KDM5B: variants seen among roughly 807,000 people sequenced by gnomAD.
KDM5B encodes the protein lysine-specific demethylase 5B.
A neutral mutation model predicts 193.4 loss-of-function variants in KDM5B; 144 were observed. The ratio of observed to expected loss-of-function variants is 0.74; its 90% CI spans 0.65 to 0.86. The LOEUF is 0.86. Among genes scored for constraint, KDM5B ranks in the 40% least tolerant of loss-of-function variants. The probability of loss-of-function intolerance (pLI) is 0.00; values close to 1 mark genes in which losing one functional copy is unlikely to be tolerated. For synonymous variants in KDM5B, 668 were observed against 682.6 expected (o/e 0.98, Z 0.33); for missense variants, 1,833 against 1,886.9 (o/e 0.97, Z 0.53).
At chr1:202,802,698 A>AT (rs35136121) in intron 1 of KDM5B, among the ~76,000 whole-genome samples, 1 of 151,952 alleles carries the variant, frequency 6.6e-6, no homozygotes, top group Non-Finnish European at 1.5e-5. Flanking sequence ...CCAGCCCTGT[A>AT]TTTTTTTACC....
chr1:202,779,759 T>G (rs948196486), intron 1 of KDM5B, among the ~76,000 whole-genome samples: 6 of 150,664 alleles, frequency 4.0e-5, no homozygotes, highest in South Asian at 2.1e-4. Context: ...GCCAAGATCA[T>G]GCCTTTGCAC....
At chr1:202,791,073 G>A (rs1004708714) in intron 1 of KDM5B, among the ~76,000 whole-genome samples, 1 of 152,144 alleles carries the variant, frequency 6.6e-6, no homozygotes, top group Non-Finnish European at 1.5e-5. Flanking sequence ...GTAGATAAAA[G>A]TATGTCAAAA....
chr1:202,767,441 GA>G, intron 4 of KDM5B: 1 of 1,284,922 alleles, frequency 7.8e-7, no homozygotes, highest in Non-Finnish European at 1.1e-6. Flanking sequence ...GAAGCTCTGC[GA>G]AAGGTGCAGA....
At chr1:202,759,614 A>G (rs913275298) in intron 8 of KDM5B, among the ~76,000 whole-genome samples, 9 of 152,116 alleles carry the variant, frequency 5.9e-5, no homozygotes, top group African/African-American at 2.2e-4. Flanking sequence ...TTTACCAATG[A>G]CAGCATGCAC....
rs1655007860 is a variant in KDM5B, at chr1:202,734,205, C to G, written c.3424-319G>C. ...ATCTGTCACAGTTAAAAAACCATTT[C>G]CAATCACCACATCTATCCCCTTTCA... On this transcript the variant is annotated intron_variant, in intron 22 of 26. Transcript: ENST00000367265. Among the ~76,000 whole-genome samples the G allele has an allele frequency of 2.6e-5, 4 of 151,498 alleles. No individual in the cohort carries two copies. In the South Asian group the frequency reaches 8.3e-4, roughly 32 times the overall value.
At chr1:202,780,788 TAAAA>T (rs11412721) in intron 1 of KDM5B, among the ~76,000 whole-genome samples, 1 of 129,264 alleles carries the variant, frequency 7.7e-6, no homozygotes, top group Non-Finnish European at 1.6e-5. Context: ...TTGCCATTAC[TAAAA>T]AAAAAAAAAA....
intron 16 of KDM5B, 46 bp downstream of exon 16, chr1:202,745,812 T>C (rs770928637): frequency 9.9e-6 from 16 of 1,608,190 alleles, no homozygotes; most frequent in Admixed American, 1.7e-5. Context: ...TACATCACAA[T>C]AAGCCCCAAT....
In KDM5B at chr1:202,724,534, A is replaced by G. The variant is rs956374074; in HGVS notation, c.*4502T>C. The stretch of plus-strand genomic sequence containing the variant: ...TTCTTTATGCATTTTAAAGAAGCTC[A>G]ATCAAGCTCACATCATAGATAATGC... On this transcript the variant is annotated 3_prime_UTR_variant, in exon 27 of 27. Coordinates refer to ENST00000367265, the MANE Select transcript of KDM5B (RefSeq NM_006618.5). The G allele has an allele frequency of 1.3e-5, 2 of 152,222 alleles. No homozygotes were observed. Among genetic ancestry groups the G allele is most frequent in the Middle Eastern group, 3.2e-3 (1 of 316 alleles). The allele number at this position is 152,222 out of a possible 1,614,324, so 9.4% of individuals were successfully genotyped here.
chr1:202,762,176 CCTAA>C (rs1158470037), intron 7 of KDM5B, among the ~76,000 whole-genome samples: 2 of 152,222 alleles, frequency 1.3e-5, no homozygotes, highest in African/African-American at 4.8e-5. Flanking sequence ...CTTCCCTATT[CCTAA>C]CTGCTTTCCT....
At chr1:202,737,575 A>C (rs1043266096) in intron 20 of KDM5B, among the ~76,000 whole-genome samples, 24 of 152,370 alleles carry the variant, frequency 1.6e-4, no homozygotes, top group African/African-American at 5.0e-4. Flanking sequence ...TAGAATATAC[A>C]GTATTACCTG....
chr1:202,797,400 A>G (rs1236136402), intron 1 of KDM5B, among the ~76,000 whole-genome samples: 1 of 152,192 alleles, frequency 6.6e-6, no homozygotes, highest in Non-Finnish European at 1.5e-5. Flanking sequence ...GCCTGCCCCA[A>G]GGAGTCAAGA....
chr1:202,729,117 A>G lies in KDM5B; in HGVS notation c.4554T>C (p.Val1518=), dbSNP rs2102205839. ...SCNQWFHQVC[V]GVSPEMAEKE... is the part of the protein sequence containing the mutation. ...TCTCTGCCATCTCTGGGGAGACACC[A>G]ACACAGACCTGATGAAACCACTGAT... Residue 1518 remains valine, a synonymous_variant, in exon 27 of 27, where the codon GTT becomes GTC. Transcript: ENST00000367265. The G allele has an allele frequency of 1.9e-6, 3 of 1,614,142 alleles. No homozygotes were observed. The highest frequency in any genetic ancestry group is 2.5e-6 in the Non-Finnish European group (3 of 1,179,996).
intron 7 of KDM5B, among the ~76,000 whole-genome samples, chr1:202,762,371 T>C (rs943907699): frequency 6.6e-6 from 1 of 152,210 alleles, no homozygotes; most frequent in African/African-American, 2.4e-5. Flanking sequence ...CATGTAGAAG[T>C]GAGCTAGTGA....
intron 1 of KDM5B, among the ~76,000 whole-genome samples, chr1:202,789,816 T>C (rs68027948): frequency 0.19 from 28,112 of 151,698 alleles, 2,975 homozygotes; most frequent in Middle Eastern, 0.28. Context: ...CTCTACAAAA[T>C]GTTAAAACAT....
intron 7 of KDM5B, 59 bp downstream of exon 7, chr1:202,762,640 A>G: frequency 3.0e-6 from 3 of 990,730 alleles, no homozygotes. Flanking sequence ...AGGGGATTAA[A>G]GAAAGGAAGG....
At chr1:202,775,903 T>TATATATAA (rs1377753407) in intron 2 of KDM5B, among the ~76,000 whole-genome samples, 42 of 104,966 alleles carry the variant, frequency 4.0e-4, no homozygotes, top group African/African-American at 1.5e-3. Context: ...TATATATATA[T>TATATATAA]AATATATACA....
intron 8 of KDM5B, among the ~76,000 whole-genome samples, chr1:202,760,134 T>C (rs1303941157): frequency 2.0e-5 from 3 of 151,882 alleles, no homozygotes; most frequent in Non-Finnish European, 4.4e-5. Flanking sequence ...GGCAACATGG[T>C]GAAACCCCCT....
intron 20 of KDM5B, 27 bp from the exon 21 acceptor site, chr1:202,736,419 G>A (rs1275189469): frequency 6.6e-7 from 1 of 1,504,700 alleles, no homozygotes. Context: ...AATTACAGCA[G>A]TTTAGAGAAA....
chr1:202,762,326 A>T (rs1008784226), intron 7 of KDM5B, among the ~76,000 whole-genome samples: 31 of 152,094 alleles, frequency 2.0e-4, no homozygotes, highest in African/African-American at 6.8e-4. Flanking sequence ...GAAGTTGGAA[A>T]ACACTAACTT....
Sources: allele counts gnomAD v4.1 joint callset (sites outside exome capture counted in the v4.1 genomes callset), GRCh38; gene constraint gnomAD v4.1.1; transcripts MANE v1.5; gene names NCBI Gene and HGNC (gene_info 2026-07-23, HGNC 2026-07-21).